The following SCAI variants were observed in gnomAD, a reference collection of about 807,000 sequenced individuals.
The protein encoded by SCAI is protein SCAI.
SCAI carries 24 observed loss-of-function variants against 92.2 expected under a neutral mutation model. The observed-to-expected ratio is 0.26, with a 90% CI of 0.19 to 0.37. The LOEUF (loss-of-function observed/expected upper bound fraction) is 0.37. Among genes scored for constraint, SCAI ranks in the 10% least tolerant of loss-of-function variants. SCAI has a pLI of 1.00. For missense variants in SCAI, 450 were observed against 736.2 expected, an observed-to-expected ratio of 0.61 and a Z score of 4.50; for synonymous variants, 261 against 258.6, an observed-to-expected ratio of 1.01 and a Z score of -0.09.
chr9:125,023,164 C>T (rs1044592010), intron 6 of SCAI, among the ~76,000 whole-genome samples: 1 of 152,074 alleles, frequency 6.6e-6, no homozygotes, highest in Non-Finnish European at 1.5e-5. Flanking sequence ...TTTTAGAATA[C>T]AAGGGGATAA....
At chr9:125,095,290 C>A (rs1399043954) in intron 2 of SCAI, among the ~76,000 whole-genome samples, 1 of 152,194 alleles carries the variant, frequency 6.6e-6, no homozygotes. Flanking sequence ...CTTCTCCCTG[C>A]CAAATCTTGC....
At chr9:125,003,284 T>C in intron 10 of SCAI, 69 bp from the exon 11 acceptor site, 1 of 1,229,858 alleles carries the variant, frequency 8.1e-7, no homozygotes, top group Non-Finnish European at 1.2e-6. Context: ...AATATCTATT[T>C]TCACTAGCCC....
At chr9:124,973,371 C>T (rs1232787017) in intron 15 of SCAI, among the ~76,000 whole-genome samples, 1 of 152,236 alleles carries the variant, frequency 6.6e-6, no homozygotes, top group Non-Finnish European at 1.5e-5. Context: ...CAATCTCAAA[C>T]TCTACCCTTT....
rs542842948 is a variant in SCAI, at chr9:125,119,717, G to A, written c.98+22916C>T. Among the ~76,000 whole-genome samples the A allele has an allele frequency of 5.9e-5, 9 of 152,298 alleles. No homozygotes were observed. The East Asian group carries it at 9.6e-4, about 16-fold the overall frequency. On this transcript the variant is annotated intron_variant, in intron 2 of 17. Coordinates refer to ENST00000336505, the MANE Select transcript of SCAI (RefSeq NM_001144877.3). The stretch of plus-strand genomic sequence containing the variant: ...TGAATCTGCAATTTGGGTAGAGTTT[G>A]ACAGGAACAACTCATCTCTGCTCTA...
intron 14 of SCAI, among the ~76,000 whole-genome samples, chr9:124,984,454 G>A (rs1010078945): frequency 3.9e-5 from 6 of 152,224 alleles, no homozygotes; most frequent in African/African-American, 1.4e-4. Flanking sequence ...GGCTACTGCA[G>A]TAATTCAGGT....
intron 4 of SCAI, among the ~76,000 whole-genome samples, chr9:125,029,308 G>C (rs1221842071): frequency 6.6e-6 from 1 of 151,882 alleles, no homozygotes; most frequent in Non-Finnish European, 1.5e-5. Context: ...ATTTTGTAGA[G>C]ATAGGGTTTA....
intron 3 of SCAI, among the ~76,000 whole-genome samples, chr9:125,049,927 T>C (rs1833523643): frequency 1.3e-5 from 2 of 152,194 alleles, no homozygotes; most frequent in African/African-American, 4.8e-5. Flanking sequence ...TGAATACAAG[T>C]CACATGGATG....
At chr9:125,038,047 G>C (rs1322304415) in intron 3 of SCAI, among the ~76,000 whole-genome samples, 2 of 152,124 alleles carry the variant, frequency 1.3e-5, no homozygotes, top group Non-Finnish European at 2.9e-5. Context: ...ACTTGAGCCC[G>C]GAGTTCGAGA....
At chr9:124,986,258 T>C (rs2131608035) in intron 14 of SCAI, among the ~76,000 whole-genome samples, 1 of 152,210 alleles carries the variant, frequency 6.6e-6, no homozygotes, top group East Asian at 1.9e-4. Context: ...GCCACTGCAC[T>C]CCAGCCTGGG....
Position 125,066,464 on chromosome 9 carries a change from A to AT in SCAI, c.99-10458dup, listed in dbSNP as rs754196569. Among the ~76,000 whole-genome samples the AT allele has an allele frequency of 2.5e-3, 346 of 138,310 alleles. 3 individuals are homozygous for AT. The highest frequency in any genetic ancestry group is 7.7e-3 in the African/African-American group (303 of 39,452). The allele number at this position is 138,310 out of a possible 152,430, so 90.7% of individuals were successfully genotyped here. A position where few individuals can be genotyped will look rare whatever the true frequency, so the allele number is the denominator to read the frequency against. ...TTTATTTTATTTTATTTATTTATTT[A>AT]TTTTTTTTTGAGACGGAGTCTCGCT... is the stretch of plus-strand genomic sequence containing the variant. On this transcript the variant is annotated intron_variant, in intron 2 of 17. Transcript: ENST00000336505.
At chr9:125,034,034 AG>A (rs780836462) in intron 3 of SCAI, among the ~76,000 whole-genome samples, 31 of 152,230 alleles carry the variant, frequency 2.0e-4, no homozygotes, top group Non-Finnish European at 4.0e-4. Flanking sequence ...GAGGCTACAA[AG>A]ATGTGAACAG....
chr9:125,089,836 T>C (rs1032251347), intron 2 of SCAI, among the ~76,000 whole-genome samples: 1 of 152,122 alleles, frequency 6.6e-6, no homozygotes, highest in African/African-American at 2.4e-5. Context: ...TCTGAGTAGC[T>C]AGCCTTCACC....
chr9:124,980,971 G>A (rs1349065664), intron 14 of SCAI, among the ~76,000 whole-genome samples: 1 of 152,030 alleles, frequency 6.6e-6, no homozygotes, highest in Non-Finnish European at 1.5e-5. Flanking sequence ...TTTACATGTG[G>A]CTTTACTCTG....
At chr9:125,108,517 G>A (rs191242857) in intron 2 of SCAI, among the ~76,000 whole-genome samples, 29,895 of 139,510 alleles carry the variant, frequency 0.21, 4,639 homozygotes, top group Non-Finnish European at 0.29. Flanking sequence ...GTCTCTGCCC[G>A]GCTGCGACCC....
In SCAI at chr9:125,084,331, C is replaced by T. The variant is rs368682343; in HGVS notation, c.99-28324G>A. Among the ~76,000 whole-genome samples the T allele has an allele frequency of 6.6e-5, 10 of 151,758 alleles. No individual in the cohort carries two copies. The South Asian group carries it at 8.3e-4, about 13-fold the overall frequency. ...GACTACAGGTGCCCACCACCACGCC[C>T]GGCTAACTTTTTGTATTTTTAGTAG... is the stretch of plus-strand genomic sequence containing the variant. On this transcript the variant is annotated intron_variant, in intron 2 of 17. Transcript: ENST00000336505.
chr9:125,097,215 T>A (rs1834577667), intron 2 of SCAI, among the ~76,000 whole-genome samples: 1 of 152,198 alleles, frequency 6.6e-6, no homozygotes, highest in Non-Finnish European at 1.5e-5. Context: ...GGCAGATCAC[T>A]TGAGGTCAGA....
At chr9:125,075,949 C>T (rs1230377005) in intron 2 of SCAI, among the ~76,000 whole-genome samples, 2 of 152,140 alleles carry the variant, frequency 1.3e-5, no homozygotes, top group Admixed American at 1.3e-4. Context: ...CCACTCTCAT[C>T]GGCCTCCCAA....
At chr9:124,988,991 T>A (rs1406888357) in intron 14 of SCAI, among the ~76,000 whole-genome samples, 1 of 151,738 alleles carries the variant, frequency 6.6e-6, no homozygotes, top group Non-Finnish European at 1.5e-5. Context: ...AATACAAAAT[T>A]AGCTGGGTGT....
At chr9:124,993,970 C>G (rs139809483) in intron 14 of SCAI, among the ~76,000 whole-genome samples, 35 of 151,898 alleles carry the variant, frequency 2.3e-4, no homozygotes, top group African/African-American at 8.5e-4. Context: ...ACTGTGCTTT[C>G]GTTTTCCTGT....
Sources: gnomAD v4.1 joint callset for allele counts (sites outside exome capture counted in the v4.1 genomes callset) on GRCh38, gnomAD v4.1.1 for gene constraint, MANE v1.5 for transcripts, NCBI Gene and HGNC (gene_info 2026-07-23, HGNC 2026-07-21) for gene names.